Variants in CYP2S1 observed in about 807,000 individuals in gnomAD.
The protein encoded by CYP2S1 is cytochrome P450 2S1.
Under a neutral mutation model 43.5 loss-of-function variants are expected in CYP2S1, and 32 were observed. The observed-to-expected ratio is 0.74, with a 90% CI of 0.56 to 0.99. The LOEUF is 0.99. CYP2S1 is among the 50% of genes least tolerant of loss of function. The probability of loss-of-function intolerance (pLI) is 0.00; values close to 1 mark genes in which losing one functional copy is unlikely to be tolerated. For synonymous variants in CYP2S1, 283 were observed against 302.9 expected (o/e 0.93, Z 0.68); for missense variants, 575 against 673.9 (o/e 0.85, Z 1.62).
In CYP2S1 at chr19:41,198,885, A is replaced by G. The variant is rs747924837; in HGVS notation, c.831A>G (p.Ala277=). 1.2e-6 allele frequency: 2 copies of G among 1,611,134 alleles called. No homozygotes were observed. Among genetic ancestry groups the G allele is most frequent in the African/African-American group, 1.3e-5 (1 of 74,840 alleles). ...DLVDAFLLKM[A]QEEQNPGTEF... is the part of the protein sequence containing the mutation. ...TCGATGCCTTCCTGCTGAAGATGGC[A>G]CAGGTGTGGGAAGGGTGCAGGGACC... The change falls in exon 5 of 9, where the codon GCA becomes GCG. Residue 277 remains alanine (A), a synonymous_variant. Transcript: ENST00000310054. The surrounding 1 kb of genome is among the most constrained non-coding windows in gnomAD (Gnocchi z 4.9).
At position 41,206,109 on chromosome 19, in the gene CYP2S1, G is replaced by A. The variant is rs2033573156; in HGVS notation, c.1306+10G>A. ...CTGCCCTTCTCCTTAGGTATCTGCT[G>A]CAGCCCTGGGTATCACAAGCAGGTG... is the stretch of plus-strand genomic sequence containing the variant. On this transcript the variant is annotated intron_variant, in intron 8 of 8. Coordinates refer to ENST00000310054, the MANE Select transcript of CYP2S1 (RefSeq NM_030622.8). The A allele has an allele frequency of 6.2e-7, 1 of 1,613,602 alleles. No individual in the cohort carries two copies. The highest frequency in any genetic ancestry group is 8.5e-7 in the Non-Finnish European group (1 of 1,179,744).
intron 7 of CYP2S1, among the ~76,000 whole-genome samples, chr19:41,204,306 A>G (rs2033533426): frequency 6.6e-6 from 1 of 152,188 alleles, no homozygotes; most frequent in East Asian, 1.9e-4. Context: ...ATGAGGTAAC[A>G]TACAGAGAAG....
intron 5 of CYP2S1, 140 bp from the exon 6 acceptor site, chr19:41,201,091 T>G: frequency 1.8e-6 from 2 of 1,136,536 alleles, no homozygotes; most frequent in Non-Finnish European, 2.4e-6. Flanking sequence ...AAAAAAAGTC[T>G]ACTTCCCAAC....
chr19:41,194,446 C>T, intron 1 of CYP2S1, 98 bp from the exon 2 acceptor site: 1 of 1,435,906 alleles, frequency 7.0e-7, no homozygotes. Flanking sequence ...GGCGTAGAAG[C>T]TAGACCCGGT....
In CYP2S1 at chr19:41,198,786, G is replaced by A; in HGVS notation, c.732G>A (p.Leu244=). ...AGCTCCTCCACCACGTCAGCACCTTGGCTGCCTTCACAGTCCGGCAGGTGC... is the reference window on the plus strand; with the variant it reads ...AGCTCCTCCACCACGTCAGCACCTTAGCTGCCTTCACAGTCCGGCAGGTGC... ...HKQLLHHVST[L]AAFTVRQVQQ... Residue 244 remains leucine, a synonymous_variant, in exon 5 of 9, where the codon TTG becomes TTA. Coordinates refer to ENST00000310054, the MANE Select transcript of CYP2S1 (RefSeq NM_030622.8). This position sits in a 1 kb window ranked among gnomAD's most constrained non-coding sequence, Gnocchi z 4.9. 1 of 1,614,212 alleles carries A rather than the reference G, an allele frequency of 6.2e-7. No homozygotes were observed. Among genetic ancestry groups the A allele is most frequent in the African/African-American group, 1.3e-5 (1 of 75,070 alleles).
At chr19:41,202,279 C>G (rs1440030337) in intron 6 of CYP2S1, among the ~76,000 whole-genome samples, 1 of 152,124 alleles carries the variant, frequency 6.6e-6, no homozygotes. Context: ...TGAGCCAAGG[C>G]ACCCAGCCCA....
Position 41,206,917 on chromosome 19 carries a change from G to A in CYP2S1, c.*429G>A. The A allele has an allele frequency of 2.5e-6, 1 of 403,872 alleles. No individual in the cohort carries two copies. The highest frequency in any genetic ancestry group is 2.6e-5 in the Admixed American group (1 of 38,650). The allele number at this position is 403,872 out of a possible 1,614,324, so 25.0% of individuals were successfully genotyped here. On this transcript the variant is annotated 3_prime_UTR_variant, in exon 9 of 9. Transcript: ENST00000310054. ...ACTTCTCAGTGTCCCTGTCCCTGGT[G>A]CCTGGCACAGGGAACAGCATGCCCC...
In CYP2S1 at chr19:41,206,946, C is replaced by T. The variant is rs921836462; in HGVS notation, c.*458C>T. 26 of 377,130 alleles carry T rather than the reference C, an allele frequency of 6.9e-5. No individual in the cohort carries two copies. The highest frequency in any genetic ancestry group is 1.6e-4 in the South Asian group (8 of 50,822). 23.4% of individuals were successfully genotyped at this position (377,130 alleles called of 1,614,324 possible). ...GGCACAGGGAACAGCATGCCCCCTC[C>T]GGGGTCATGCCACCCAGAGACTGTC... On this transcript the variant is annotated 3_prime_UTR_variant, in exon 9 of 9. Transcript: ENST00000310054.
intron 5 of CYP2S1, among the ~76,000 whole-genome samples, chr19:41,200,983 C>A (rs1342581221): frequency 6.6e-6 from 1 of 151,986 alleles, no homozygotes; most frequent in Non-Finnish European, 1.5e-5. Context: ...GAGGCTGAGG[C>A]AGGAGAATTG....
In CYP2S1 at chr19:41,198,882, G is replaced by A. The variant is rs1234806900; in HGVS notation, c.828G>A (p.Met276Ile). 1.2e-6 allele frequency: 2 copies of A among 1,611,522 alleles called. No individual in the cohort carries two copies. Among genetic ancestry groups the A allele is most frequent in the African/African-American group, 2.7e-5 (2 of 74,882 alleles). ...RDLVDAFLLK[M>I]AQEEQNPGTE... ...TTGTCGATGCCTTCCTGCTGAAGAT[G>A]GCACAGGTGTGGGAAGGGTGCAGGG... Residue 276 changes from methionine to isoleucine, a missense_variant, in exon 5 of 9, where the codon ATG becomes ATA. Around this residue, in one of 2 missense-constraint regions of CYP2S1, gnomAD observed 353 missense variants for 367.6 expected, o/e 0.96. Transcript: ENST00000310054. The surrounding 1 kb of genome is among the most constrained non-coding windows in gnomAD (Gnocchi z 4.9).
chr19:41,205,825 C>A, intron 7 of CYP2S1, 133 bp from the exon 8 acceptor site: 1 of 1,202,352 alleles, frequency 8.3e-7, no homozygotes, highest in Non-Finnish European at 1.2e-6. Context: ...CGCCACTCAA[C>A]ACTCCACAAA....
In CYP2S1 at chr19:41,203,692, G is replaced by A. The variant is rs2033523887; in HGVS notation, c.1164+55G>A. 6.2e-6 allele frequency: 9 copies of A among 1,442,940 alleles called. No homozygotes were observed. The South Asian group carries it at 8.5e-5, about 14-fold the overall frequency. The allele number at this position is 1,442,940 out of a possible 1,614,324, so 89.4% of individuals were successfully genotyped here. ...TTCTCTGCCTCGGGGCCTGAGCCCG[G>A]GTGGTTTGCTGTCAGTGTCTCCCTG... On this transcript the variant is annotated intron_variant, in intron 7 of 8. Coordinates refer to ENST00000310054, the MANE Select transcript of CYP2S1 (RefSeq NM_030622.8).
rs200780795 is a variant in CYP2S1 at position 41,206,524 on chromosome 19, G to A, written c.*36G>A. The A allele has an allele frequency of 3.3e-5, 53 of 1,611,940 alleles. 1 individual carries two copies. In the Middle Eastern group the frequency reaches 5.0e-4, roughly 15 times the overall value. ...CTTGGAAGTGGTGGGTGCCCAGGAC[G>A]GTGCCTCCAGCCTCAACAGTGGGCA... On this transcript the variant is annotated 3_prime_UTR_variant, in exon 9 of 9. Transcript: ENST00000310054.
Position 41,198,397 on chromosome 19 carries a change from G to C in CYP2S1, c.494-65G>C. ...CCCTGTCTCTCTCTGGTTGGGTTCA[G>C]CTCCAACCTGCTCCCCTCTGCCTGG... On this transcript the variant is annotated intron_variant, in intron 3 of 8. Transcript: ENST00000310054. This position sits in a 1 kb window ranked among gnomAD's most constrained non-coding sequence, Gnocchi z 4.9. 1 of 1,587,128 alleles carries C rather than the reference G, an allele frequency of 6.3e-7. No individual in the cohort carries two copies.
chr19:41,203,653 G>C lies in CYP2S1; in HGVS notation c.1164+16G>C. ...CCTGCCCCAGGTGGGTATGCGTATG[G>C]CTGCCACCCATGGTTCTCTGCCTCG... On this transcript the variant is annotated intron_variant, in intron 7 of 8. Transcript: ENST00000310054. 1 of 1,512,338 alleles carries C rather than the reference G, an allele frequency of 6.6e-7. No homozygotes were observed. Among genetic ancestry groups the C allele is most frequent in the Admixed American group, 2.1e-5 (1 of 47,490 alleles). 93.7% of individuals were successfully genotyped at this position (1,512,338 alleles called of 1,614,324 possible). A position where few individuals can be genotyped will look rare whatever the true frequency, so the allele number is the denominator to read the frequency against.
At chr19:41,196,910 G>A (rs1414748787) in intron 2 of CYP2S1, among the ~76,000 whole-genome samples, 1 of 152,168 alleles carries the variant, frequency 6.6e-6, no homozygotes, top group Non-Finnish European at 1.5e-5. Context: ...GTTATTTACA[G>A]AACAGGCCAG....
At position 41,198,536 on chromosome 19, in the gene CYP2S1, C is replaced by G. The variant is rs764102046; in HGVS notation, c.568C>G (p.Arg190Gly). ...NVVCSLLFGL[R>G]FSYEDKEFQA... Reference sequence around the variant, plus strand: ...AGTCTGCTCCCTCCTCTTTGGCCTCCGCTTCTCCTATGAGGATAAGGAGTT... The same window carrying G: ...AGTCTGCTCCCTCCTCTTTGGCCTCGGCTTCTCCTATGAGGATAAGGAGTT... The change falls in exon 4 of 9, where the codon CGC becomes GGC. Residue 190 changes from arginine (R) to glycine (G), a missense_variant. Around this residue, in one of 2 missense-constraint regions of CYP2S1, gnomAD observed 353 missense variants for 367.6 expected, o/e 0.96. Coordinates refer to ENST00000310054, the MANE Select transcript of CYP2S1 (RefSeq NM_030622.8). This position sits in a 1 kb window ranked among gnomAD's most constrained non-coding sequence, Gnocchi z 4.9. The G allele has an allele frequency of 6.2e-7, 1 of 1,614,186 alleles. No individual in the cohort carries two copies. Among genetic ancestry groups the G allele is most frequent in the Admixed American group, 1.7e-5 (1 of 60,028 alleles).
intron 7 of CYP2S1, among the ~76,000 whole-genome samples, chr19:41,203,947 C>T (rs866422004): frequency 2.0e-5 from 3 of 151,954 alleles, no homozygotes; most frequent in Non-Finnish European, 2.9e-5. Context: ...CTGCAACCTC[C>T]GCCTCCCAGG....
intron 5 of CYP2S1, among the ~76,000 whole-genome samples, chr19:41,199,780 C>G (rs573801108): frequency 6.6e-6 from 1 of 151,834 alleles, no homozygotes; most frequent in South Asian, 2.1e-4. Context: ...GCCTGACCAA[C>G]ATGGAGAAAC....
Sources: allele counts gnomAD v4.1 joint callset (sites outside exome capture counted in the v4.1 genomes callset), GRCh38; gene constraint gnomAD v4.1.1; regional missense constraint gnomAD v4.1.1; non-coding constraint Gnocchi (gnomAD v3.1); transcripts MANE v1.5; gene names NCBI Gene and HGNC (gene_info 2026-07-23, HGNC 2026-07-21).